The following SMCO4 variants were observed in gnomAD, a reference collection of about 807,000 sequenced individuals.
SMCO4 encodes single-pass membrane protein with coiled-coil domains 4, also known as single-pass membrane and coiled-coil domain-containing protein 4.
SMCO4 carries 4 observed loss-of-function variants against 3.6 expected under a neutral mutation model. The ratio of observed to expected loss-of-function variants is 1.11; its 90% confidence interval spans 0.54 to 2.53. The LOEUF is 2.53. SMCO4 is among the 30% of genes most tolerant of loss of function. The pLI is 0.02. For missense variants in SMCO4, 70 were observed against 80.8 expected (o/e 0.87, Z 0.51); for synonymous variants, 36 against 35.3 (o/e 1.02, Z -0.07).
intron 2 of SMCO4, among the ~76,000 whole-genome samples, chr11:93,485,412 A>G (rs185369378): frequency 6.6e-6 from 1 of 152,346 alleles, no homozygotes; most frequent in Non-Finnish European, 1.5e-5. Flanking sequence ...TCTATGCTGG[A>G]ATGCGCTTTT....
chr11:93,511,851 G>A (rs545446277), intron 1 of SMCO4, among the ~76,000 whole-genome samples: 2 of 152,192 alleles, frequency 1.3e-5, no homozygotes, highest in East Asian at 1.9e-4. Flanking sequence ...TGCCATATTC[G>A]TAATTGTTTT....
intron 1 of SMCO4, among the ~76,000 whole-genome samples, chr11:93,542,869 CA>C (rs1949282273): frequency 6.6e-6 from 1 of 152,224 alleles, no homozygotes; most frequent in Admixed American, 6.5e-5. Context: ...CCCACCTTCC[CA>C]TACGGGGCCC....
rs150775725 is a variant in SMCO4 at position 93,542,658 on chromosome 11, CT to C, written c.-154+617del. ...CTTCAGATGCCAGAGGCGTACCCAG[CT>C]CGGAGCCTGCCCCGGGTCTCAGGGT... On this transcript the variant is annotated intron_variant, in intron 1 of 2. Coordinates refer to ENST00000298966, the MANE Select transcript of SMCO4 (RefSeq NM_020179.3). Among the ~76,000 whole-genome samples, 1,009 of 152,318 alleles carry C rather than the reference CT, an allele frequency of 6.6e-3. 11 individuals carry two copies. The highest frequency in any genetic ancestry group is 0.023 in the African/African-American group (950 of 41,568).
At chr11:93,494,763 GAA>G (rs1166756611) in intron 2 of SMCO4, among the ~76,000 whole-genome samples, 11 of 152,220 alleles carry the variant, frequency 7.2e-5, no homozygotes, top group African/African-American at 2.7e-4. Flanking sequence ...ACTTTCAGGA[GAA>G]GTCTTAGTAC....
intron 2 of SMCO4, among the ~76,000 whole-genome samples, chr11:93,494,916 G>A (rs1205913176): frequency 1.3e-5 from 2 of 152,134 alleles, no homozygotes; most frequent in African/African-American, 4.8e-5. Context: ...GGAAGGACCT[G>A]CATGATCTGG....
At chr11:93,505,693 T>C (rs763326922) in intron 1 of SMCO4, among the ~76,000 whole-genome samples, 2 of 152,192 alleles carry the variant, frequency 1.3e-5, no homozygotes, top group African/African-American at 4.8e-5. Flanking sequence ...TGAAAATCCT[T>C]CAATCAAAAA....
chr11:93,506,228 G>A (rs2134604389), intron 1 of SMCO4, among the ~76,000 whole-genome samples: 1 of 152,296 alleles, frequency 6.6e-6, no homozygotes, highest in East Asian at 1.9e-4. Context: ...ATGAATGATG[G>A]GCAGTTTAGT....
At chr11:93,490,193 T>C (rs1373439375) in intron 2 of SMCO4, among the ~76,000 whole-genome samples, 1 of 152,238 alleles carries the variant, frequency 6.6e-6, no homozygotes, top group Non-Finnish European at 1.5e-5. Context: ...ACAGGTCTTG[T>C]TATTTAACCC....
chr11:93,514,413 T>TATACAC (rs1555077562), intron 1 of SMCO4, among the ~76,000 whole-genome samples: 1,325 of 33,850 alleles, frequency 0.039, 90 homozygotes, highest in Middle Eastern at 0.061. Flanking sequence ...TATATATATA[T>TATACAC]ATATATATAA....
chr11:93,547,475 T>G (rs1028535948), upstream of SMCO4, among the ~76,000 whole-genome samples: 2 of 152,236 alleles, frequency 1.3e-5, no homozygotes, highest in Admixed American at 1.3e-4. Context: ...TGTTGCACGC[T>G]TTCATGACAC....
At chr11:93,518,735 T>C (rs1296876405) in intron 1 of SMCO4, among the ~76,000 whole-genome samples, 1 of 152,096 alleles carries the variant, frequency 6.6e-6, no homozygotes, top group African/African-American at 2.4e-5. Flanking sequence ...ACCAAATAAC[T>C]AAGAAGGGGT....
intron 1 of SMCO4, among the ~76,000 whole-genome samples, chr11:93,509,159 C>T (rs1457212346): frequency 2.6e-5 from 4 of 151,956 alleles, no homozygotes; most frequent in African/African-American, 9.7e-5. Context: ...GGCATGGTTG[C>T]ATATGCCTAT....
At chr11:93,551,009 G>A in the SMCO4 span, among the ~76,000 whole-genome samples, 5 of 152,154 alleles carry the variant, frequency 3.3e-5, no homozygotes, top group African/African-American at 7.2e-5. Flanking sequence ...CAATGAGAAC[G>A]TTTCTAGTCT....
intron 1 of SMCO4, among the ~76,000 whole-genome samples, chr11:93,507,698 C>T (rs997234789): frequency 2.2e-4 from 34 of 152,178 alleles, no homozygotes; most frequent in Non-Finnish European, 4.7e-4. Context: ...TTGCAACAAA[C>T]CTTTACACCT....
At chr11:93,484,426 G>A (rs1948625295) in intron 2 of SMCO4, among the ~76,000 whole-genome samples, 1 of 152,202 alleles carries the variant, frequency 6.6e-6, no homozygotes, top group Admixed American at 6.5e-5. Flanking sequence ...TTGAAGTCAG[G>A]TTTGTGCCTT....
At chr11:93,536,302 T>G (rs11020407) in intron 1 of SMCO4, among the ~76,000 whole-genome samples, 88,484 of 152,010 alleles carry the variant, frequency 0.58, 27,592 homozygotes, top group East Asian at 0.91. Flanking sequence ...AATTTAACAT[T>G]TGACATGCCA....
intron 1 of SMCO4, among the ~76,000 whole-genome samples, chr11:93,537,671 C>T (rs534346101): frequency 5.7e-4 from 86 of 151,992 alleles, no homozygotes; most frequent in African/African-American, 2.0e-3. Context: ...TGCTCTTCTC[C>T]CATTAAAACA....
chr11:93,522,556 T>G (rs1269262038), intron 1 of SMCO4, among the ~76,000 whole-genome samples: 1 of 152,234 alleles, frequency 6.6e-6, no homozygotes, highest in African/African-American at 2.4e-5. Flanking sequence ...TCCGTTGTAT[T>G]CCACATGGAA....
the SMCO4 span, among the ~76,000 whole-genome samples, chr11:93,553,548 G>A: frequency 6.6e-6 from 1 of 152,310 alleles, no homozygotes; most frequent in South Asian, 2.1e-4. Flanking sequence ...TTCATATCAT[G>A]TTACAGTGTT....
Sources: gnomAD v4.1 joint callset for allele counts (sites outside exome capture counted in the v4.1 genomes callset) on GRCh38, gnomAD v4.1.1 for gene constraint, MANE v1.5 for transcripts, NCBI Gene and HGNC (gene_info 2026-07-23, HGNC 2026-07-21) for gene names.